GNAO1: variants seen among roughly 807,000 people sequenced by gnomAD.
GNAO1 encodes the protein G protein subunit alpha o1.
For missense variants in GNAO1, 166 were observed against 478.7 expected, an observed-to-expected ratio of 0.35 and a Z score of 6.10; for synonymous variants, 164 against 180.7, an observed-to-expected ratio of 0.91 and a Z score of 0.74.
chr16:56,312,067 G>T (rs565381371), intron 3 of GNAO1, among the ~76,000 whole-genome samples: 1 of 152,102 alleles, frequency 6.6e-6, no homozygotes, highest in African/African-American at 2.4e-5. Context: ...CAGGGCTGCC[G>T]GGCTCTGGGC....
intron 2 of GNAO1, among the ~76,000 whole-genome samples, chr16:56,268,205 G>A (rs1284190372): frequency 1.3e-5 from 2 of 152,198 alleles, no homozygotes; most frequent in African/African-American, 4.8e-5. Context: ...CATTTATTTG[G>A]CCAGTCTTCG....
At chr16:56,207,994 T>G (rs1376125247) in intron 2 of GNAO1, among the ~76,000 whole-genome samples, 9 of 152,316 alleles carry the variant, frequency 5.9e-5, no homozygotes, top group African/African-American at 2.2e-4. Flanking sequence ...CCTTACTACC[T>G]TAACTTTCGT....
intron 2 of GNAO1, among the ~76,000 whole-genome samples, chr16:56,210,650 G>A (rs890356080): frequency 7.2e-5 from 11 of 152,126 alleles, no homozygotes; most frequent in Admixed American, 7.2e-4. Context: ...AGAGAAATTT[G>A]GATTTCTCTA....
chr16:56,313,126 G>A (rs2037476111), intron 3 of GNAO1, among the ~76,000 whole-genome samples: 2 of 152,170 alleles, frequency 1.3e-5, no homozygotes, highest in South Asian at 4.1e-4. Context: ...TGTTTATAAG[G>A]TAAAAAGATG....
In GNAO1 at chr16:56,276,090, T is replaced by A. The variant is rs1418006467; in HGVS notation, c.303+18T>A. Reference sequence around the variant, plus strand: ...AGAGAAAGGTAGGCCCCTGAGCCCATAAGCACAGCAACAAGAGGTTCTGTC... The same window carrying A: ...AGAGAAAGGTAGGCCCCTGAGCCCAAAAGCACAGCAACAAGAGGTTCTGTC... On this transcript the variant is annotated intron_variant, in intron 3 of 8. Transcript: ENST00000262493. 1 of 1,606,632 alleles carries A rather than the reference T, an allele frequency of 6.2e-7. No homozygotes were observed. The highest frequency in any genetic ancestry group is 8.5e-7 in the Non-Finnish European group (1 of 1,175,760).
intron 3 of GNAO1, chr16:56,306,789 C>G (rs1359288135): frequency 6.6e-6 from 1 of 152,178 alleles, no homozygotes; most frequent in Admixed American, 6.5e-5. Flanking sequence ...TGGTTCTGAG[C>G]AAAGATTCCA....
At chr16:56,195,565 A>G (rs1205775707) in intron 2 of GNAO1, among the ~76,000 whole-genome samples, 1 of 152,196 alleles carries the variant, frequency 6.6e-6, no homozygotes, top group Non-Finnish European at 1.5e-5. Flanking sequence ...GCAGTTTCCA[A>G]CTTCCTTGTG....
chr16:56,328,573 G>A, intron 3 of GNAO1, 58 bp from the exon 4 acceptor site: 2 of 1,567,452 alleles, frequency 1.3e-6, no homozygotes, highest in Non-Finnish European at 1.7e-6. Context: ...CCCTTGGCTG[G>A]CAGAGGTCTT....
intron 4 of GNAO1, among the ~76,000 whole-genome samples, chr16:56,330,387 G>A (rs2037677095): frequency 6.6e-6 from 1 of 152,164 alleles, no homozygotes; most frequent in South Asian, 2.1e-4. Context: ...TTTAGGGCCA[G>A]CTGGCCCAAA....
At chr16:56,248,262 C>T (rs2036767415) in intron 2 of GNAO1, among the ~76,000 whole-genome samples, 1 of 152,184 alleles carries the variant, frequency 6.6e-6, no homozygotes, top group Admixed American at 6.5e-5. Flanking sequence ...TGCTACCTTC[C>T]AGTCTTTGTC....
chr16:56,341,353 C>T (rs1467700751), intron 6 of GNAO1, among the ~76,000 whole-genome samples: 1 of 152,220 alleles, frequency 6.6e-6, no homozygotes, highest in South Asian at 2.1e-4. Flanking sequence ...GTTTATGCCC[C>T]AGCTCCGCCA....
chr16:56,336,701 C>A, intron 5 of GNAO1, 30 bp from the exon 6 acceptor site: 1 of 1,588,760 alleles, frequency 6.3e-7, no homozygotes, highest in Non-Finnish European at 8.6e-7. Flanking sequence ...TGCCTGGACC[C>A]TGCGCCTACC....
intron 2 of GNAO1, chr16:56,235,189 A>T (rs1230726557): frequency 2.6e-5 from 10 of 390,356 alleles, no homozygotes; most frequent in African/African-American, 2.1e-4. Context: ...GATTGAGACA[A>T]GTTATGTCTT....
intron 6 of GNAO1, among the ~76,000 whole-genome samples, chr16:56,341,580 G>A (rs970454026): frequency 9.2e-5 from 14 of 152,320 alleles, no homozygotes; most frequent in East Asian, 3.9e-4. Flanking sequence ...TAACTCACAC[G>A]GGGCTGCTGC....
At chr16:56,313,765 C>G (rs923189045) in intron 3 of GNAO1, among the ~76,000 whole-genome samples, 18 of 152,188 alleles carry the variant, frequency 1.2e-4, no homozygotes, top group Non-Finnish European at 1.3e-4. Flanking sequence ...CTGTCTCGCC[C>G]AGGCTGGAGT....
intron 6 of GNAO1, among the ~76,000 whole-genome samples, chr16:56,337,831 C>G (rs1278381583): frequency 6.6e-6 from 1 of 152,166 alleles, no homozygotes; most frequent in South Asian, 2.1e-4. Context: ...CCGAGCATGG[C>G]CCACAGGGTC....
At chr16:56,319,816 A>G (rs2037553949) in intron 3 of GNAO1, among the ~76,000 whole-genome samples, 2 of 151,780 alleles carry the variant, frequency 1.3e-5, no homozygotes, top group Non-Finnish European at 1.5e-5. Flanking sequence ...TCAATGCTGG[A>G]ATGTCCCCTG....
intron 6 of GNAO1, chr16:56,343,706 T>G: frequency 7.0e-7 from 1 of 1,428,010 alleles, no homozygotes; most frequent in Non-Finnish European, 9.6e-7. Context: ...GGGTCGTCCA[T>G]GCCAAGCAGT....
chr16:56,351,761 T>A lies in GNAO1; in HGVS notation c.877+224T>A. The A allele has an allele frequency of 1.9e-6, 1 of 529,062 alleles. No individual in the cohort carries two copies. The highest frequency in any genetic ancestry group is 3.4e-6 in the Non-Finnish European group (1 of 294,500). 32.8% of individuals were successfully genotyped at this position (529,062 alleles called of 1,614,324 possible). ...GAAATGGCCCCTCCTAAGATATATG[T>A]GTTAGGACCAAGTGACTCAGGAGTG... On this transcript the variant is annotated intron_variant, in intron 7 of 8. Transcript: ENST00000262493. This position sits in a 1 kb window ranked among gnomAD's most constrained non-coding sequence, Gnocchi z 6.1.
Sources: gnomAD v4.1 joint callset for allele counts (sites outside exome capture counted in the v4.1 genomes callset) on GRCh38, gnomAD v4.1.1 for gene constraint, Gnocchi (gnomAD v3.1) non-coding constraint, MANE v1.5 for transcripts, NCBI Gene and HGNC (gene_info 2026-07-23, HGNC 2026-07-21) for gene names.